The following RBFOX2 variants were observed in gnomAD, a reference collection of about 807,000 sequenced individuals.
RBFOX2 encodes the protein RNA binding protein fox-1 homolog 2.
RBFOX2 carries 10 observed loss-of-function variants against 49.1 expected under a neutral mutation model. The observed-to-expected ratio is 0.20, with a 90% CI of 0.13 to 0.35. The LOEUF (loss-of-function observed/expected upper bound fraction) is 0.35. Ranked by LOEUF, RBFOX2 falls within the 10% of genes least tolerant of loss-of-function variation. The probability of loss-of-function intolerance (pLI) is 1.00; values close to 1 mark genes in which losing one functional copy is unlikely to be tolerated. For synonymous variants in RBFOX2, 183 were observed against 187.4 expected (o/e 0.98, Z 0.19); for missense variants, 323 against 486.9 (o/e 0.66, Z 3.17).
chr22:35,767,596 C>T (rs912075769), intron 5 of RBFOX2, among the ~76,000 whole-genome samples: 2 of 152,084 alleles, frequency 1.3e-5, no homozygotes, highest in East Asian at 3.9e-4. Context: ...GAATACCAGG[C>T]GGTAGACTTG....
intron 4 of RBFOX2, among the ~76,000 whole-genome samples, chr22:35,772,323 C>A (rs8139675): frequency 0.06 from 9,089 of 152,050 alleles, 961 homozygotes; most frequent in African/African-American, 0.21. Context: ...TTTCTAATAA[C>A]CACATTTAAA....
chr22:35,973,933 C>T (rs2057012163), intron 1 of RBFOX2, among the ~76,000 whole-genome samples: 1 of 152,176 alleles, frequency 6.6e-6, no homozygotes, highest in Non-Finnish European at 1.5e-5. Context: ...GCTGGCAAGA[C>T]TTCAAACACA....
chr22:35,780,199 C>T (rs1944824099), intron 3 of RBFOX2, among the ~76,000 whole-genome samples: 1 of 152,136 alleles, frequency 6.6e-6, no homozygotes, highest in Admixed American at 6.6e-5. Flanking sequence ...CTGGCCTTCT[C>T]TTTAGTGCGG....
At chr22:35,852,100 T>C (rs1451239836) in intron 1 of RBFOX2, among the ~76,000 whole-genome samples, 2 of 152,048 alleles carry the variant, frequency 1.3e-5, no homozygotes, top group East Asian at 3.9e-4. Context: ...AAAAATATAA[T>C]ACAAATTTTA....
upstream of RBFOX2, among the ~76,000 whole-genome samples, chr22:35,965,791 G>T (rs760888274): frequency 6.6e-6 from 1 of 152,028 alleles, no homozygotes; most frequent in African/African-American, 2.4e-5. Flanking sequence ...CTACAAGCTC[G>T]ACAGGAAAAG....
At position 35,757,224 on chromosome 22, in the gene RBFOX2, A is replaced by T. The variant is rs1034248115; in HGVS notation, c.887+2664T>A. ...TAGCAAACAGACAATGCATGACTTTAAAAAAAAAAAAAAAACAAAACCTAA... is the reference window on the plus strand; with the variant it reads ...TAGCAAACAGACAATGCATGACTTTTAAAAAAAAAAAAAAACAAAACCTAA... On this transcript the variant is annotated intron_variant, in intron 9 of 11. Coordinates refer to ENST00000405409, the Ensembl canonical transcript of RBFOX2. 2.2e-5 allele frequency among the ~76,000 whole-genome samples: 3 copies of T among 135,700 alleles called. No individual in the cohort carries two copies. The Admixed American group carries it at 2.7e-4, about 12-fold the overall frequency. 89.0% of individuals were successfully genotyped at this position (135,700 alleles called of 152,430 possible).
chr22:35,886,988 T>C (rs115910801), intron 1 of RBFOX2, among the ~76,000 whole-genome samples: 1 of 152,182 alleles, frequency 6.6e-6, no homozygotes, highest in South Asian at 2.1e-4. Flanking sequence ...CTTGTCAATA[T>C]GTGTGCTTTG....
At chr22:35,830,463 G>A (rs114000374) in intron 1 of RBFOX2, among the ~76,000 whole-genome samples, 188 of 152,320 alleles carry the variant, frequency 1.2e-3, no homozygotes, top group African/African-American at 4.3e-3. Flanking sequence ...ATCACTTGAT[G>A]ACAGGGATAT....
At chr22:35,822,978 C>G (rs1954860047) in intron 1 of RBFOX2, 1 of 319,150 alleles carries the variant, frequency 3.1e-6, no homozygotes, top group Non-Finnish European at 6.0e-6. Context: ...CACCTGCCAC[C>G]ACGCCTGGCT....
chr22:35,969,385 A>G (rs998541051), intron 1 of RBFOX2, among the ~76,000 whole-genome samples: 4 of 152,122 alleles, frequency 2.6e-5, no homozygotes, highest in Non-Finnish European at 5.9e-5. Flanking sequence ...CCAGCCTGGC[A>G]ACATGGTAAA....
intron 1 of RBFOX2, among the ~76,000 whole-genome samples, chr22:36,024,640 C>A (rs2059363715): frequency 6.6e-6 from 1 of 151,530 alleles, no homozygotes; most frequent in Non-Finnish European, 1.5e-5. Flanking sequence ...ACTCAGGAGG[C>A]TGAGGCATAA....
chr22:35,969,928 C>T (rs1355599843), intron 1 of RBFOX2, among the ~76,000 whole-genome samples: 5 of 152,132 alleles, frequency 3.3e-5, no homozygotes, highest in Admixed American at 1.3e-4. Context: ...TTTTCTCACC[C>T]GCAAATGGAC....
chr22:35,929,814 G>A (rs762012783), intron 1 of RBFOX2, among the ~76,000 whole-genome samples: 1 of 152,020 alleles, frequency 6.6e-6, no homozygotes, highest in Non-Finnish European at 1.5e-5. Flanking sequence ...AAGTCAGAAA[G>A]CAGAGCAGTG....
intron 1 of RBFOX2, among the ~76,000 whole-genome samples, chr22:35,892,119 A>G (rs1263154364): frequency 6.6e-6 from 1 of 152,226 alleles, no homozygotes. Flanking sequence ...TTTACTGAGC[A>G]TCTATTGTGT....
At chr22:36,010,588 G>A (rs2058779857) in intron 1 of RBFOX2, among the ~76,000 whole-genome samples, 2 of 152,006 alleles carry the variant, frequency 1.3e-5, no homozygotes, top group Admixed American at 1.3e-4. Flanking sequence ...GAGAAAAAGG[G>A]CTATTGCAAA....
intron 1 of RBFOX2, among the ~76,000 whole-genome samples, chr22:35,816,182 T>G (rs1255192812): frequency 6.6e-6 from 1 of 152,216 alleles, no homozygotes; most frequent in African/African-American, 2.4e-5. Flanking sequence ...AAAGCAAAAT[T>G]ACTCTAGATT....
chr22:35,917,423 G>A (rs1603448254), intron 1 of RBFOX2, among the ~76,000 whole-genome samples: 1 of 152,068 alleles, frequency 6.6e-6, no homozygotes, highest in East Asian at 1.9e-4. Flanking sequence ...TGAGGGGAGG[G>A]GACAGTGAAA....
rs886779266 is a variant in RBFOX2, at chr22:35,759,310, T to C, written c.887+578A>G. Among the ~76,000 whole-genome samples, 2 of 152,198 alleles carry C rather than the reference T, an allele frequency of 1.3e-5. No homozygotes were observed. Among genetic ancestry groups the C allele is most frequent in the Non-Finnish European group, 2.9e-5 (2 of 68,020 alleles). ...CCAACTGCAGTTTAATTCTTCCTAC[T>C]TCTCCCTTTCTCCCTTGATTCAATT... On this transcript the variant is annotated intron_variant, in intron 9 of 11. Transcript: ENST00000405409. This position sits in a 1 kb window ranked among gnomAD's most constrained non-coding sequence, Gnocchi z 4.6.
intron 1 of RBFOX2, among the ~76,000 whole-genome samples, chr22:35,860,999 G>A (rs933800999): frequency 6.6e-6 from 1 of 152,134 alleles, no homozygotes; most frequent in Non-Finnish European, 1.5e-5. Context: ...GTATGATACT[G>A]GTGTCAAGAG....
Sources: gnomAD v4.1 joint callset for allele counts (sites outside exome capture counted in the v4.1 genomes callset) on GRCh38, gnomAD v4.1.1 for gene constraint, Gnocchi (gnomAD v3.1) non-coding constraint, MANE v1.5 for transcripts, NCBI Gene and HGNC (gene_info 2026-07-23, HGNC 2026-07-21) for gene names.